Variants in ANO3 observed in about 807,000 individuals in gnomAD.
ANO3 encodes the protein anoctamin 3.
Under a neutral mutation model 144.8 loss-of-function variants are expected in ANO3, and 99 were observed. That is an observed-to-expected ratio of 0.68 (90% CI 0.58 to 0.81). The LOEUF (loss-of-function observed/expected upper bound fraction) is 0.81, where lower values mean the gene tolerates loss of function less well. ANO3 is among the 30% of genes least tolerant of loss of function. The pLI, the probability that ANO3 is intolerant of heterozygous loss-of-function variation, is 0.00. For missense variants in ANO3, 905 were observed against 1,202.2 expected, an observed-to-expected ratio of 0.75 and a Z score of 3.66; for synonymous variants, 414 against 392.6, an observed-to-expected ratio of 1.05 and a Z score of -0.64.
intron 5 of ANO3, among the ~76,000 whole-genome samples, chr11:26,512,147 T>G (rs1315650501): frequency 6.6e-6 from 1 of 152,178 alleles, no homozygotes; most frequent in Non-Finnish European, 1.5e-5. Context: ...TGCAGTTCAT[T>G]TCAGCAATTT....
upstream of ANO3, among the ~76,000 whole-genome samples, chr11:26,328,136 T>C (rs554954657): frequency 1.6e-4 from 24 of 152,298 alleles, no homozygotes; most frequent in African/African-American, 5.1e-4. Flanking sequence ...TCCATGACTT[T>C]ATCTTAGACA....
At chr11:26,434,259 G>C (rs1321792182) in intron 1 of ANO3, among the ~76,000 whole-genome samples, 1 of 152,008 alleles carries the variant, frequency 6.6e-6, no homozygotes, top group Non-Finnish European at 1.5e-5. Context: ...TGTGGGGTCG[G>C]TATTTCTGTG....
At chr11:26,379,751 C>A (rs193005417) in intron 1 of ANO3, among the ~76,000 whole-genome samples, 9 of 152,182 alleles carry the variant, frequency 5.9e-5, no homozygotes, top group Non-Finnish European at 8.8e-5. Context: ...AGAGATCATG[C>A]CACTGCACTC....
intron 1 of ANO3, among the ~76,000 whole-genome samples, chr11:26,257,067 T>C (rs1853075339): frequency 6.6e-6 from 1 of 152,058 alleles, no homozygotes; most frequent in African/African-American, 2.4e-5. Flanking sequence ...ATATTTTACC[T>C]AAAAGGAATA....
chr11:26,316,004 G>A (rs945748931), intron 1 of ANO3, among the ~76,000 whole-genome samples: 3 of 152,156 alleles, frequency 2.0e-5, no homozygotes, highest in Non-Finnish European at 4.4e-5. Context: ...CACTGGGGTT[G>A]AGGGTGAGAA....
chr11:26,259,157 A>G (rs1039177416), intron 1 of ANO3, among the ~76,000 whole-genome samples: 2 of 152,240 alleles, frequency 1.3e-5, no homozygotes, highest in African/African-American at 4.8e-5. Flanking sequence ...CAGGAATTTT[A>G]TATGGCTCTT....
intron 10 of ANO3, 146 bp from the exon 11 acceptor site, chr11:26,541,801 C>T (rs1849651816): frequency 6.7e-6 from 4 of 601,278 alleles, no homozygotes; most frequent in Non-Finnish European, 1.1e-5. Context: ...GCATCCATCA[C>T]ATCATTCCAG....
At chr11:26,530,860 T>C (rs781290446) in intron 7 of ANO3, among the ~76,000 whole-genome samples, 1 of 152,076 alleles carries the variant, frequency 6.6e-6, no homozygotes, top group Non-Finnish European at 1.5e-5. Flanking sequence ...AGAGCGAGAC[T>C]GTCTCAAAGA....
At chr11:26,563,879 A>G (rs986993445) in intron 14 of ANO3, among the ~76,000 whole-genome samples, 12 of 151,828 alleles carry the variant, frequency 7.9e-5, no homozygotes, top group Non-Finnish European at 1.8e-4. Flanking sequence ...TCACTGTATT[A>G]TTCTTTTCAC....
At chr11:26,486,776 TA>T (rs1436856360) in intron 4 of ANO3, among the ~76,000 whole-genome samples, 8 of 152,276 alleles carry the variant, frequency 5.3e-5, no homozygotes, top group African/African-American at 1.7e-4. Context: ...GGAAAAATAT[TA>T]GAGAAACTAC....
At chr11:26,206,524 A>C (rs116993768) in intron 1 of ANO3, among the ~76,000 whole-genome samples, 2 of 152,290 alleles carry the variant, frequency 1.3e-5, no homozygotes, top group Non-Finnish European at 2.9e-5. Flanking sequence ...AGGAAAAGAC[A>C]AGGTGGTGTA....
Position 26,599,660 on chromosome 11 carries a change from A to C in ANO3, c.1782A>C (p.Ala594=), listed in dbSNP as rs1274653026. The change falls in exon 17 of 27, where the codon GCA becomes GCC. Residue 594 remains alanine, a synonymous_variant. Coordinates refer to ENST00000256737, the MANE Select transcript of ANO3 (RefSeq NM_031418.4). ...TCATCAAACAATACTGGCAGTTTGC[A>C]ACATCTGCTGCTGCTGTCTGTATCA... is the stretch of plus-strand genomic sequence containing the variant. ...WNFIKQYWQF[A]TSAAAVCINF... 2 of 1,614,144 alleles carry C rather than the reference A, an allele frequency of 1.2e-6. No homozygotes were observed. The highest frequency in any genetic ancestry group is 4.5e-5 in the East Asian group (2 of 44,864).
chr11:26,359,645 C>G (rs984389640), intron 1 of ANO3, among the ~76,000 whole-genome samples: 1 of 151,930 alleles, frequency 6.6e-6, no homozygotes, highest in Non-Finnish European at 1.5e-5. Flanking sequence ...TCTCCTCTAC[C>G]CAGGGAGTCT....
intron 1 of ANO3, among the ~76,000 whole-genome samples, chr11:26,237,619 A>C (rs962865780): frequency 1.3e-5 from 2 of 152,030 alleles, no homozygotes; most frequent in African/African-American, 4.8e-5. Flanking sequence ...TAGCCATAGA[A>C]AAATAACAAA....
chr11:26,264,105 C>T (rs76421046), intron 1 of ANO3, among the ~76,000 whole-genome samples: 2,683 of 152,250 alleles, frequency 0.018, 76 homozygotes, highest in African/African-American at 0.062. Context: ...AGGGGTAGGG[C>T]CCATGTGGGC....
chr11:26,324,795 T>A (rs1854843391), intron 1 of ANO3, among the ~76,000 whole-genome samples: 1 of 152,128 alleles, frequency 6.6e-6, no homozygotes, highest in Non-Finnish European at 1.5e-5. Context: ...ACAACGAAAA[T>A]ACACAAAATA....
At chr11:26,281,972 C>A (rs1017310281) in intron 1 of ANO3, among the ~76,000 whole-genome samples, 1 of 152,152 alleles carries the variant, frequency 6.6e-6, no homozygotes, top group Non-Finnish European at 1.5e-5. Context: ...TCCTCCCAGG[C>A]CAAAGCAAAA....
chr11:26,333,284 CT>C (rs34291798), intron 1 of ANO3, among the ~76,000 whole-genome samples: 99,918 of 134,364 alleles, frequency 0.74, 37,590 homozygotes, highest in Non-Finnish European at 0.83. Context: ...AGCTCTTTGA[CT>C]TTTTTTTTTT....
intron 5 of ANO3, among the ~76,000 whole-genome samples, chr11:26,515,104 A>T (rs191002633): frequency 7.9e-5 from 12 of 152,146 alleles, no homozygotes; most frequent in Admixed American, 4.6e-4. Context: ...GATATTTGAG[A>T]TATATTATGT....
Sources: allele counts gnomAD v4.1 joint callset (sites outside exome capture counted in the v4.1 genomes callset), GRCh38; gene constraint gnomAD v4.1.1; transcripts MANE v1.5; gene names NCBI Gene and HGNC (gene_info 2026-07-23, HGNC 2026-07-21).